LRP2: variants seen among roughly 807,000 people sequenced by gnomAD.
LRP2 encodes low-density lipoprotein receptor-related protein 2.
A neutral mutation model predicts 531.0 loss-of-function variants in LRP2; 172 were observed. That is an observed-to-expected ratio of 0.32 (90% CI 0.29 to 0.37). LRP2 has a LOEUF of 0.37. Among genes scored for constraint, LRP2 ranks in the 10% least tolerant of loss-of-function variants. LRP2 has a pLI of 1.00. For synonymous variants in LRP2, 1,992 were observed against 2,027.6 expected, an observed-to-expected ratio of 0.98 and a Z score of 0.47; for missense variants, 5,167 against 5,868.3, an observed-to-expected ratio of 0.88 and a Z score of 3.90.
In LRP2 at chr2:169,290,902, T is replaced by C; in HGVS notation, c.865A>G (p.Ile289Val). The change falls in exon 8 of 79, where the codon ATT becomes GTT. Residue 289 changes from isoleucine to valine, a missense_variant. Ile to Val is a conservative substitution (Grantham distance 29). Transcript: ENST00000649046. ...TCTTCTCTTCCTGGGCAATCTAAAA[T>C]CCCATCACAAACTTTATAAATGGAG... is the stretch of plus-strand genomic sequence containing the variant. The part of the protein sequence containing the change: ...CISIYKVCDG[I>V]LDCPGREDEN... The C allele has an allele frequency of 6.2e-7, 1 of 1,614,116 alleles. No individual in the cohort carries two copies. The highest frequency in any genetic ancestry group is 8.5e-7 in the Non-Finnish European group (1 of 1,180,008).
In LRP2 at chr2:169,270,667, A is replaced by T. The variant is rs549408275; in HGVS notation, c.2320+237T>A. ...TATACCTAACATAAATGACGAGTTA[A>T]CGGGTGCAGCACACCAACATGGCAC... On this transcript the variant is annotated intron_variant, in intron 16 of 78. Transcript: ENST00000649046. 3.8e-4 allele frequency among the ~76,000 whole-genome samples: 57 copies of T among 151,834 alleles called. No individual in the cohort carries two copies. In the South Asian group the frequency reaches 5.0e-3, roughly 13 times the overall value.
At chr2:169,330,954 G>A (rs1312070472) in intron 1 of LRP2, among the ~76,000 whole-genome samples, 1 of 151,998 alleles carries the variant, frequency 6.6e-6, no homozygotes, top group African/African-American at 2.4e-5. Context: ...ACCTAGGATT[G>A]GGCAATCTCA....
At chr2:169,134,646 G>A (rs1044014068) in intron 76 of LRP2, among the ~76,000 whole-genome samples, 2 of 152,134 alleles carry the variant, frequency 1.3e-5, no homozygotes, top group African/African-American at 2.4e-5. Context: ...CTCTCAGCAA[G>A]CCGAACTCAT....
chr2:169,143,205 A>G (rs6733122), intron 70 of LRP2, among the ~76,000 whole-genome samples: 109,739 of 152,146 alleles, frequency 0.72, 40,061 homozygotes, highest in South Asian at 0.86. Flanking sequence ...AGATCATAAC[A>G]TATGGTCTAT....
chr2:169,133,402 TA>T (rs2105328761), intron 76 of LRP2, among the ~76,000 whole-genome samples: 1 of 152,372 alleles, frequency 6.6e-6, no homozygotes, highest in East Asian at 1.9e-4. Flanking sequence ...CATTTTATTT[TA>T]AGTGAAGATG....
At position 169,241,373 on chromosome 2, in the gene LRP2, G is replaced by C; in HGVS notation, c.3668-8C>G. On this transcript the variant is annotated splice_polypyrimidine_tract_variant and splice_region_variant and intron_variant, in intron 24 of 78. Transcript: ENST00000649046. ...TACCAGGAGGCCTGGTTGCTAGAAG[G>C]AAAACATGGGGTAAATCGGCTTGTG... is the stretch of plus-strand genomic sequence containing the variant. 6.2e-7 allele frequency: 1 copy of C among 1,613,994 alleles called. No homozygotes were observed. Among genetic ancestry groups the C allele is most frequent in the East Asian group, 2.2e-5 (1 of 44,890 alleles).
At chr2:169,218,389 A>G (rs2105350111) in intron 34 of LRP2, among the ~76,000 whole-genome samples, 1 of 152,170 alleles carries the variant, frequency 6.6e-6, no homozygotes, top group African/African-American at 2.4e-5. Flanking sequence ...TATCTCTTCC[A>G]CCAAGCTGAA....
rs375755424 is a variant in LRP2 at position 169,256,129 on chromosome 2, G to T, written c.2747C>A (p.Pro916Gln). 3 of 1,612,732 alleles carry T rather than the reference G, an allele frequency of 1.9e-6. No homozygotes were observed. The highest frequency in any genetic ancestry group is 2.5e-6 in the Non-Finnish European group (3 of 1,179,172). The change falls in exon 19 of 79, where the codon CCG (proline) becomes CAG (glutamine). Residue 916 changes from proline to glutamine, a missense_variant. Coordinates refer to ENST00000649046, the MANE Select transcript of LRP2 (RefSeq NM_004525.3). ...ACCTCCAAAGATGGCAAGTCCAAAC[G>T]GATGTGTCATCTGCTCTATATGGCC... ...RLGHIEQMTH[P>Q]FGLAIFGEHL...
chr2:169,192,807 T>C (rs1687876323), intron 47 of LRP2, among the ~76,000 whole-genome samples: 1 of 152,056 alleles, frequency 6.6e-6, no homozygotes, highest in Non-Finnish European at 1.5e-5. Flanking sequence ...TCCATGTATG[T>C]GTAGCTGAAA....
rs556194847 is a variant in LRP2, at chr2:169,245,044, T to C, written c.3191-112A>G. Reference sequence around the variant, plus strand: ...TTTTTAATGGAGGCATTGTATATAATAAGGAGAAATGTTCATCAAGTGATG... The same window carrying C: ...TTTTTAATGGAGGCATTGTATATAACAAGGAGAAATGTTCATCAAGTGATG... On this transcript the variant is annotated intron_variant, in intron 21 of 78. Coordinates refer to ENST00000649046, the MANE Select transcript of LRP2 (RefSeq NM_004525.3). 3.3e-5 allele frequency: 38 copies of C among 1,135,934 alleles called. No individual in the cohort carries two copies. The South Asian group carries it at 4.6e-4, about 14-fold the overall frequency. The allele number at this position is 1,135,934 out of a possible 1,614,324, so 70.4% of individuals were successfully genotyped here. A position where few individuals can be genotyped will look rare whatever the true frequency, so the allele number is the denominator to read the frequency against.
chr2:169,212,235 C>G (rs1037452816), intron 36 of LRP2, 28 bp from the exon 37 acceptor site: 1 of 1,613,728 alleles, frequency 6.2e-7, no homozygotes, highest in African/African-American at 1.3e-5. Flanking sequence ...CCATTTGTAA[C>G]TTTTGATCCT....
At chr2:169,176,690 T>C in intron 53 of LRP2, 102 bp from the exon 54 acceptor site, 1 of 871,042 alleles carries the variant, frequency 1.1e-6, no homozygotes, top group Admixed American at 2.2e-5. Flanking sequence ...CACCTCTTAG[T>C]AAAAAAAAAA....
chr2:169,169,476 C>A (rs758176286), intron 60 of LRP2, among the ~76,000 whole-genome samples: 1 of 152,140 alleles, frequency 6.6e-6, no homozygotes, highest in African/African-American at 2.4e-5. Context: ...GCACAGATTA[C>A]TTAATATATT....
At chr2:169,167,893 C>T (rs763439545) in intron 61 of LRP2, among the ~76,000 whole-genome samples, 1 of 151,282 alleles carries the variant, frequency 6.6e-6, no homozygotes, top group Admixed American at 6.6e-5. Flanking sequence ...AGGCTTCATT[C>T]TTGGAGATTC....
At chr2:169,270,806 A>C in intron 16 of LRP2, 98 bp downstream of exon 16, 1 of 552,722 alleles carries the variant, frequency 1.8e-6, no homozygotes, top group Non-Finnish European at 3.1e-6. Flanking sequence ...CTGCTTAAAA[A>C]TTAGATACTG....
At position 169,333,514 on chromosome 2, in the gene LRP2, A is replaced by AAGGG. The variant is rs369333591; in HGVS notation, c.80-12634_80-12631dup. Among the ~76,000 whole-genome samples, 568 of 131,536 alleles carry AAGGG rather than the reference A, an allele frequency of 4.3e-3. 3 individuals carry two copies. The highest frequency in any genetic ancestry group is 0.027 in the East Asian group (101 of 3,696). 86.3% of individuals were successfully genotyped at this position (131,536 alleles called of 152,430 possible). ...GAAGGAAGGAACGAAGGAAGGAAGG[A>AAGGG]AGGGAGGGAGGGAGGGAGGGAGGGG... On this transcript the variant is annotated intron_variant, in intron 1 of 78. Coordinates refer to ENST00000649046, the MANE Select transcript of LRP2 (RefSeq NM_004525.3).
At chr2:169,150,754 T>G in intron 68 of LRP2, 144 bp downstream of exon 68, 1 of 871,632 alleles carries the variant, frequency 1.1e-6, no homozygotes, top group South Asian at 1.5e-5. Flanking sequence ...ATGTTATAAT[T>G]CTTGAAACAG....
chr2:169,194,483 A>C (rs1687937147), intron 46 of LRP2, among the ~76,000 whole-genome samples: 1 of 151,970 alleles, frequency 6.6e-6, no homozygotes, highest in Non-Finnish European at 1.5e-5. Flanking sequence ...AAAATAAGTC[A>C]CTCTTCTACT....
intron 21 of LRP2, among the ~76,000 whole-genome samples, chr2:169,245,194 T>A (rs1689961545): frequency 1.3e-5 from 2 of 152,210 alleles, no homozygotes; most frequent in African/African-American, 4.8e-5. Context: ...AAGAATACTA[T>A]AAAGTACATA....
Sources: allele counts gnomAD v4.1 joint callset (sites outside exome capture counted in the v4.1 genomes callset), GRCh38; gene constraint gnomAD v4.1.1; transcripts MANE v1.5; gene names NCBI Gene and HGNC (gene_info 2026-07-23, HGNC 2026-07-21).